The following GABRA4 variants were observed in gnomAD, a reference collection of about 807,000 sequenced individuals.
GABRA4 encodes the protein gamma-aminobutyric acid type A receptor subunit alpha4, also known as gamma-aminobutyric acid receptor subunit alpha-4.
Under a neutral mutation model 49.7 loss-of-function variants are expected in GABRA4, and 12 were observed. The ratio of observed to expected loss-of-function variants is 0.24; its 90% confidence interval spans 0.15 to 0.39. The LOEUF is 0.39. Among genes scored for constraint, GABRA4 ranks in the 10% least tolerant of loss-of-function variants. The pLI is 1.00. For synonymous variants in GABRA4, 288 were observed against 240.2 expected (o/e 1.20, Z -1.84); for missense variants, 506 against 686.0 (o/e 0.74, Z 2.93).
At chr4:46,958,949 A>G (rs1271745382) in intron 8 of GABRA4, among the ~76,000 whole-genome samples, 1 of 152,018 alleles carries the variant, frequency 6.6e-6, no homozygotes, top group Non-Finnish European at 1.5e-5. Context: ...AGGCAGTATC[A>G]TTTGAATAAG....
At chr4:46,953,566 G>A (rs1722243867) in intron 8 of GABRA4, among the ~76,000 whole-genome samples, 2 of 152,068 alleles carry the variant, frequency 1.3e-5, no homozygotes, top group Non-Finnish European at 2.9e-5. Context: ...GGAAAACTGT[G>A]GATTAGTTAG....
At chr4:46,948,468 A>G (rs1237726553) in intron 8 of GABRA4, among the ~76,000 whole-genome samples, 2 of 152,130 alleles carry the variant, frequency 1.3e-5, no homozygotes, top group Non-Finnish European at 2.9e-5. Flanking sequence ...CATTGCTTGC[A>G]TTGCTGAGAG....
intron 7 of GABRA4, among the ~76,000 whole-genome samples, chr4:46,970,139 G>C (rs112474585): frequency 1.1e-4 from 16 of 151,508 alleles, no homozygotes; most frequent in African/African-American, 3.1e-4. Flanking sequence ...TTCTTGAAAA[G>C]GATGGGGAGG....
At chr4:46,934,712 G>T (rs1721549729) in intron 8 of GABRA4, among the ~76,000 whole-genome samples, 1 of 152,120 alleles carries the variant, frequency 6.6e-6, no homozygotes, top group Non-Finnish European at 1.5e-5. Flanking sequence ...TAAAACATTA[G>T]AATTTCTTTA....
chr4:46,937,431 A>G (rs1156264665), intron 8 of GABRA4, among the ~76,000 whole-genome samples: 1 of 152,150 alleles, frequency 6.6e-6, no homozygotes, highest in Non-Finnish European at 1.5e-5. Context: ...AAAATTTCTA[A>G]TCTTTTTTAT....
At chr4:46,971,380 G>C in intron 6 of GABRA4, 145 bp from the exon 7 acceptor site, 1 of 707,584 alleles carries the variant, frequency 1.4e-6, no homozygotes, top group Admixed American at 2.8e-5. Context: ...CAATAAGTAT[G>C]TAGTTTCCTA....
At chr4:46,988,244 G>T (rs59115556) in intron 2 of GABRA4, among the ~76,000 whole-genome samples, 16,140 of 151,914 alleles carry the variant, frequency 0.11, 936 homozygotes, top group South Asian at 0.19. Context: ...GCATTTTCAT[G>T]TAATTATTTT....
At chr4:46,944,856 G>C (rs1577755560) in intron 8 of GABRA4, among the ~76,000 whole-genome samples, 1 of 152,110 alleles carries the variant, frequency 6.6e-6, no homozygotes, top group East Asian at 1.9e-4. Flanking sequence ...TGCCCCTCCA[G>C]ACTGTGAGTT....
Position 46,993,512 on chromosome 4 carries a change from TCCCGCGGCGTGCGCA to T in GABRA4, c.-103_-89del. The T allele has an allele frequency of 7.2e-7, 1 of 1,381,044 alleles. No individual in the cohort carries two copies. 85.5% of individuals were successfully genotyped at this position (1,381,044 alleles called of 1,614,324 possible). A position where few individuals can be genotyped will look rare whatever the true frequency, so the allele number is the denominator to read the frequency against. Reference sequence around the variant, plus strand: ...GGGTGCGAGGAGAGGGCAGAGAGGCTCCCGCGGCGTGCGCACACTCGCGCTCACACTCGCCCGCGC... The same window carrying T: ...GGGTGCGAGGAGAGGGCAGAGAGGCTCACTCGCGCTCACACTCGCCCGCGC... On this transcript the variant is annotated 5_prime_UTR_variant, in exon 1 of 9. Transcript: ENST00000264318.
At chr4:46,979,223 C>A in intron 2 of GABRA4, 125 bp from the exon 3 acceptor site, 1 of 623,506 alleles carries the variant, frequency 1.6e-6, no homozygotes, top group Non-Finnish European at 2.8e-6. Context: ...CTTACATTTT[C>A]AGTGAGATAA....
At chr4:46,948,337 A>C (rs1301704606) in intron 8 of GABRA4, among the ~76,000 whole-genome samples, 1 of 152,104 alleles carries the variant, frequency 6.6e-6, no homozygotes, top group Admixed American at 6.6e-5. Flanking sequence ...CCTCTGCCAG[A>C]AAAGAGGATA....
chr4:46,968,156 A>T (rs1722831075), intron 7 of GABRA4, among the ~76,000 whole-genome samples: 1 of 151,564 alleles, frequency 6.6e-6, no homozygotes, highest in Admixed American at 6.6e-5. Context: ...ATTAATATTT[A>T]CCTAAATCTC....
Position 46,920,247 on chromosome 4 carries a change from T to C in GABRA4, c.*7978A>G, listed in dbSNP as rs974885113. 1 of 151,724 alleles carries C rather than the reference T, an allele frequency of 6.6e-6. No homozygotes were observed. The highest frequency in any genetic ancestry group is 1.5e-5 in the Non-Finnish European group (1 of 67,664). 9.4% of individuals were successfully genotyped at this position (151,724 alleles called of 1,614,324 possible). On this transcript the variant is annotated 3_prime_UTR_variant, in exon 9 of 9. Coordinates refer to ENST00000264318, the MANE Select transcript of GABRA4 (RefSeq NM_000809.4). The stretch of plus-strand genomic sequence containing the variant: ...AAGTAATAATTTGTATAGATACCCA[T>C]GGAAATCTATAGTTTGCATATTAAT...
chr4:46,969,998 TTTTC>T (rs1487603809), intron 7 of GABRA4, among the ~76,000 whole-genome samples: 2 of 151,218 alleles, frequency 1.3e-5, no homozygotes, highest in African/African-American at 2.4e-5. Context: ...TTCCAGTACT[TTTTC>T]TTTCTATTTT....
intron 7 of GABRA4, among the ~76,000 whole-genome samples, chr4:46,970,501 T>A (rs1183387581): frequency 6.6e-6 from 1 of 151,274 alleles, no homozygotes; most frequent in Non-Finnish European, 1.5e-5. Context: ...TTTATATTGT[T>A]CAGAATACTA....
intron 6 of GABRA4, among the ~76,000 whole-genome samples, 191 bp from the exon 7 acceptor site, chr4:46,971,426 G>A (rs113770312): frequency 6.6e-6 from 1 of 151,482 alleles, no homozygotes; most frequent in Non-Finnish European, 1.5e-5. Context: ...TTATTATACA[G>A]AAAAACTCTT....
intron 8 of GABRA4, among the ~76,000 whole-genome samples, chr4:46,943,584 T>C (rs999391579): frequency 6.6e-6 from 1 of 152,048 alleles, no homozygotes; most frequent in Non-Finnish European, 1.5e-5. Flanking sequence ...TCTACATGAT[T>C]TGGGCCCTGC....
chr4:46,955,035 G>T (rs1722293424), intron 8 of GABRA4, among the ~76,000 whole-genome samples: 1 of 152,096 alleles, frequency 6.6e-6, no homozygotes, highest in Non-Finnish European at 1.5e-5. Context: ...GCACATAGTA[G>T]GTACTCAATA....
chr4:46,962,733 C>A (rs1341685791), intron 8 of GABRA4, among the ~76,000 whole-genome samples: 2 of 151,802 alleles, frequency 1.3e-5, no homozygotes, highest in East Asian at 3.9e-4. Context: ...ATAATCAAAA[C>A]AACATGGTAC....
Sources: allele counts gnomAD v4.1 joint callset (sites outside exome capture counted in the v4.1 genomes callset), GRCh38; gene constraint gnomAD v4.1.1; transcripts MANE v1.5; gene names NCBI Gene and HGNC (gene_info 2026-07-23, HGNC 2026-07-21).